CHRNA4: variants seen among roughly 807,000 people sequenced by gnomAD.
The protein encoded by CHRNA4 is cholinergic receptor nicotinic alpha 4 subunit.
Under a neutral mutation model 48.9 loss-of-function variants are expected in CHRNA4, and 28 were observed. The ratio of observed to expected loss-of-function variants is 0.57; its 90% CI spans 0.42 to 0.79. The LOEUF (loss-of-function observed/expected upper bound fraction) is 0.79, where lower values mean the gene tolerates loss of function less well. Ranked by LOEUF, CHRNA4 falls within the 30% of genes least tolerant of loss-of-function variation. CHRNA4 has a pLI of 0.00. For missense variants in CHRNA4, 859 were observed against 898.4 expected (o/e 0.96, Z 0.56); for synonymous variants, 425 against 402.3 (o/e 1.06, Z -0.68).
intron 2 of CHRNA4, 193 bp downstream of exon 2, chr20:63,359,355 C>T (rs2068765449): frequency 7.1e-6 from 5 of 707,744 alleles, no homozygotes; most frequent in East Asian, 2.7e-5. Context: ...CTGGCTGGGA[C>T]GCTCTGAATC....
chr20:63,358,686 C>T (rs1203424778), intron 2 of CHRNA4, among the ~76,000 whole-genome samples: 1 of 152,214 alleles, frequency 6.6e-6, no homozygotes, highest in East Asian at 1.9e-4. Context: ...ACCTGCCCTC[C>T]TCCATGGTGG....
chr20:63,361,206 G>C lies in CHRNA4; in HGVS notation c.-41C>G, dbSNP rs1246087679. 2.8e-6 allele frequency: 4 copies of C among 1,450,754 alleles called. No individual in the cohort carries two copies. The highest frequency in any genetic ancestry group is 3.6e-6 in the Non-Finnish European group (4 of 1,104,942). 89.9% of individuals were successfully genotyped at this position (1,450,754 alleles called of 1,614,324 possible). On this transcript the variant is annotated 5_prime_UTR_variant, in exon 1 of 6. Coordinates refer to ENST00000370263, the MANE Select transcript of CHRNA4 (RefSeq NM_000744.7). ...CGGGCTCTAGATGCGGGCGGCTCCCGGCTCCCCGCCGCTTCGAGGCCCGTG... is the reference window on the plus strand; with the variant it reads ...CGGGCTCTAGATGCGGGCGGCTCCCCGCTCCCCGCCGCTTCGAGGCCCGTG...
At chr20:63,347,336 A>C (rs1353162739) in intron 5 of CHRNA4, among the ~76,000 whole-genome samples, 1 of 152,180 alleles carries the variant, frequency 6.6e-6, no homozygotes, top group African/African-American at 2.4e-5. Context: ...GGGCGGACGA[A>C]AGCAGCACAC....
rs1267967494 is a variant in CHRNA4, at chr20:63,346,406, G to A, written c.*332C>T. 1.9e-6 allele frequency: 1 copy of A among 520,624 alleles called. No individual in the cohort carries two copies. Among genetic ancestry groups the A allele is most frequent in the East Asian group, 4.9e-5 (1 of 20,538 alleles). The allele number at this position is 520,624 out of a possible 1,614,324, so 32.3% of individuals were successfully genotyped here. On this transcript the variant is annotated 3_prime_UTR_variant, in exon 6 of 6. Coordinates refer to ENST00000370263, the MANE Select transcript of CHRNA4 (RefSeq NM_000744.7). The stretch of plus-strand genomic sequence containing the variant: ...ATCACCAGATCTGCTGAGAGACTGG[G>A]AGGAGTGAGTTCCATCTGCAGGGGA...
In CHRNA4 at chr20:63,345,402, A is replaced by AG. The variant is rs2068475618; in HGVS notation, c.*1335dup. On this transcript the variant is annotated 3_prime_UTR_variant, in exon 6 of 6. Coordinates refer to ENST00000370263, the MANE Select transcript of CHRNA4 (RefSeq NM_000744.7). The surrounding 1 kb of genome is among the most constrained non-coding windows in gnomAD (Gnocchi z 5.4). ...CCCCTCTGGGCCCTTGGAATCATGG[A>AG]GGGGTGGGGCAGCCTGTGCCCATCC... is the stretch of plus-strand genomic sequence containing the variant. 4.8e-6 allele frequency: 2 copies of AG among 412,556 alleles called. No individual in the cohort carries two copies. Among genetic ancestry groups the AG allele is most frequent in the Admixed American group, 5.0e-5 (2 of 40,166 alleles). The allele number at this position is 412,556 out of a possible 1,614,324, so 25.6% of individuals were successfully genotyped here. A position where few individuals can be genotyped will look rare whatever the true frequency, so the allele number is the denominator to read the frequency against.
intron 4 of CHRNA4, 126 bp downstream of exon 4, chr20:63,355,849 G>T (rs1353347692): frequency 7.6e-7 from 1 of 1,313,580 alleles, no homozygotes; most frequent in Non-Finnish European, 1.1e-6. Flanking sequence ...GCATGCATGG[G>T]GCTGGCATAG....
Position 63,344,427 on chromosome 20 carries a change from A to G in CHRNA4, c.*2311T>C. On this transcript the variant is annotated 3_prime_UTR_variant, in exon 6 of 6. Coordinates refer to ENST00000370263, the MANE Select transcript of CHRNA4 (RefSeq NM_000744.7). The surrounding 1 kb of genome is among the most constrained non-coding windows in gnomAD (Gnocchi z 4.5). ...CAGCACTGGACGCAAATACGCCAACATTGTTGTCAAGGTTAATTTGGCGTG... is the reference window on the plus strand; with the variant it reads ...CAGCACTGGACGCAAATACGCCAACGTTGTTGTCAAGGTTAATTTGGCGTG... 1 of 453,472 alleles carries G rather than the reference A, an allele frequency of 2.2e-6. No homozygotes were observed. Among genetic ancestry groups the G allele is most frequent in the Non-Finnish European group, 4.4e-6 (1 of 226,672 alleles). The allele number at this position is 453,472 out of a possible 1,614,324, so 28.1% of individuals were successfully genotyped here.
At chr20:63,353,510 C>T (rs139580824) in intron 4 of CHRNA4, among the ~76,000 whole-genome samples, 578 of 25,400 alleles carry the variant, frequency 0.023, 13 homozygotes, top group African/African-American at 0.081. Flanking sequence ...GGGGGGGCTG[C>T]GGTCCTGGGG....
intron 5 of CHRNA4, among the ~76,000 whole-genome samples, chr20:63,347,921 G>A (rs913870856): frequency 2.6e-5 from 4 of 152,216 alleles, no homozygotes; most frequent in South Asian, 2.1e-4. Flanking sequence ...ATTTATCTAC[G>A]GGAAGCCTGA....
rs1402136238 is a variant in CHRNA4, at chr20:63,345,206, C to T, written c.*1532G>A. The T allele has an allele frequency of 4.5e-6, 2 of 445,778 alleles. No homozygotes were observed. Among genetic ancestry groups the T allele is most frequent in the East Asian group, 7.1e-5 (1 of 14,132 alleles). The allele number at this position is 445,778 out of a possible 1,614,324, so 27.6% of individuals were successfully genotyped here. On this transcript the variant is annotated 3_prime_UTR_variant, in exon 6 of 6. Transcript: ENST00000370263. This position sits in a 1 kb window ranked among gnomAD's most constrained non-coding sequence, Gnocchi z 5.4. Reference sequence around the variant, plus strand: ...GACCCTGGCCCAGGAGAGCTCGGCTCGGGGACAGAGGAATGAGACTCAGTG... The same window carrying T: ...GACCCTGGCCCAGGAGAGCTCGGCTTGGGGACAGAGGAATGAGACTCAGTG...
chr20:63,355,954 C>T, intron 4 of CHRNA4, 21 bp downstream of exon 4: 1 of 1,610,614 alleles, frequency 6.2e-7, no homozygotes, highest in Non-Finnish European at 8.5e-7. Context: ...GTAGAGGACT[C>T]ACTTGTTGTA....
intron 5 of CHRNA4, among the ~76,000 whole-genome samples, chr20:63,348,617 C>T (rs552490414): frequency 6.6e-6 from 1 of 152,210 alleles, no homozygotes; most frequent in Non-Finnish European, 1.5e-5. Flanking sequence ...GGCACCAGGC[C>T]CTGGCACCGG....
At chr20:63,351,842 C>A (rs1021150316) in intron 4 of CHRNA4, among the ~76,000 whole-genome samples, 1 of 152,244 alleles carries the variant, frequency 6.6e-6, no homozygotes, top group East Asian at 1.9e-4. Flanking sequence ...GAACTCCTCC[C>A]GGTAGGCAGA....
In CHRNA4 at chr20:63,345,439, G is replaced by A; in HGVS notation, c.*1299C>T. The A allele has an allele frequency of 2.5e-6, 1 of 393,174 alleles. No individual in the cohort carries two copies. Among genetic ancestry groups the A allele is most frequent in the South Asian group, 1.8e-5 (1 of 54,978 alleles). 24.4% of individuals were successfully genotyped at this position (393,174 alleles called of 1,614,324 possible). The stretch of plus-strand genomic sequence containing the variant: ...GCCTGTGCCCATCCCAAGGGGAAGT[G>A]TGCCCCTGGGGACACTGGGGGGCTG... On this transcript the variant is annotated 3_prime_UTR_variant, in exon 6 of 6. Transcript: ENST00000370263. This position sits in a 1 kb window ranked among gnomAD's most constrained non-coding sequence, Gnocchi z 5.4.
rs1420292781 is a variant in CHRNA4, at chr20:63,346,137, A to C, written c.*601T>G. The C allele has an allele frequency of 2.2e-6, 1 of 454,076 alleles. No homozygotes were observed. Among genetic ancestry groups the C allele is most frequent in the Non-Finnish European group, 4.4e-6 (1 of 226,762 alleles). The allele number at this position is 454,076 out of a possible 1,614,324, so 28.1% of individuals were successfully genotyped here. A position where few individuals can be genotyped will look rare whatever the true frequency, so the allele number is the denominator to read the frequency against. On this transcript the variant is annotated 3_prime_UTR_variant, in exon 6 of 6. Transcript: ENST00000370263. ...TAGGCACAAGACTTGAGTTCTCACTAACTTACCCAAAACACAACCAAACAC... is the reference window on the plus strand; with the variant it reads ...TAGGCACAAGACTTGAGTTCTCACTCACTTACCCAAAACACAACCAAACAC...
intron 5 of CHRNA4, 98 bp from the exon 6 acceptor site, chr20:63,346,961 CCCACCTT>C: frequency 1.3e-6 from 2 of 1,561,366 alleles, no homozygotes; most frequent in East Asian, 2.2e-5. Context: ...TTCTCCACCT[CCCACCTT>C]CCACCCGAGG....
intron 4 of CHRNA4, chr20:63,355,428 G>A: frequency 9.9e-7 from 1 of 1,011,238 alleles, no homozygotes; most frequent in East Asian, 6.0e-5. Flanking sequence ...ACATGTCCTG[G>A]GCAGAGCGTG....
Position 63,346,703 on chromosome 20 carries a change from G to C in CHRNA4, c.*35C>G, listed in dbSNP as rs1255563068. On this transcript the variant is annotated 3_prime_UTR_variant, in exon 6 of 6. Coordinates refer to ENST00000370263, the MANE Select transcript of CHRNA4 (RefSeq NM_000744.7). ...CCGCATGGATGCTGGCCCCGTGCAC[G>C]GCAGCCCCAGGCCACGCAGGCTCCC... 2.5e-6 allele frequency: 4 copies of C among 1,588,758 alleles called. No individual in the cohort carries two copies. The highest frequency in any genetic ancestry group is 1.8e-5 in the Admixed American group (1 of 57,098).
At position 63,350,932 on chromosome 20, in the gene CHRNA4, G is replaced by C. The variant is rs201421555; in HGVS notation, c.479C>G (p.Ser160Cys). Residue 160 changes from serine to cysteine, a missense_variant, in exon 5 of 6, where the codon TCC becomes TGC. Physicochemically the swap from Ser to Cys is moderately radical, Grantham distance 112 (BLOSUM62 -1). Coordinates refer to ENST00000370263, the MANE Select transcript of CHRNA4 (RefSeq NM_000744.7). ...GAAGAAGGTGACGTCGATGCTGCAG[G>C]AGCTCTTGTAAATGGCCGGGGGAGT... ...QWTPPAIYKS[S>C]CSIDVTFFPF... is the part of the protein sequence containing the mutation. 2 of 1,613,922 alleles carry C rather than the reference G, an allele frequency of 1.2e-6. No homozygotes were observed. Among genetic ancestry groups the C allele is most frequent in the Non-Finnish European group, 1.7e-6 (2 of 1,179,996 alleles).
Sources: allele counts gnomAD v4.1 joint callset (sites outside exome capture counted in the v4.1 genomes callset), GRCh38; gene constraint gnomAD v4.1.1; non-coding constraint Gnocchi (gnomAD v3.1); transcripts MANE v1.5; gene names NCBI Gene and HGNC (gene_info 2026-07-23, HGNC 2026-07-21).